RGS5: variants seen among roughly 807,000 people sequenced by gnomAD.
RGS5 encodes the protein regulator of G protein signaling 5, also known as regulator of G-protein signalling 5.
Under a neutral mutation model 18.9 loss-of-function variants are expected in RGS5, and 20 were observed. The ratio of observed to expected loss-of-function variants is 1.06; its 90% CI spans 0.74 to 1.54. The LOEUF is 1.54. Ranked by LOEUF, RGS5 falls within the 40% of genes most tolerant of loss-of-function variation. RGS5 has a pLI of 0.00. For missense variants in RGS5, 201 were observed against 211.8 expected (o/e 0.95, Z 0.32); for synonymous variants, 57 against 76.2 (o/e 0.75, Z 1.31).
At position 163,147,918 on chromosome 1, in the gene RGS5, C is replaced by CTTTTTTTTCTTTTTTT. The variant is rs3065035; in HGVS notation, c.385-416_385-415insAAAAAAAGAAAAAAAA. Among the ~76,000 whole-genome samples, 529 of 78,084 alleles carry CTTTTTTTTCTTTTTTT rather than the reference C, an allele frequency of 6.8e-3. 1 individual carries two copies. The highest frequency in any genetic ancestry group is 0.015 in the Middle Eastern group (1 of 66). 51.2% of individuals were successfully genotyped at this position (78,084 alleles called of 152,430 possible). ...GGTGTCCTGGTGCTTTTTTCTTTTT[C>CTTTTTTTTCTTTTTTT]TTTTTTTTTTTTTTTTTTTTTTGTT... On this transcript the variant is annotated intron_variant, in intron 4 of 4. Coordinates refer to ENST00000313961, the MANE Select transcript of RGS5 (RefSeq NM_003617.4).
chr1:163,190,656 G>C (rs569880032), intron 1 of RGS5, among the ~76,000 whole-genome samples: 2 of 152,150 alleles, frequency 1.3e-5, no homozygotes, highest in South Asian at 4.1e-4. Flanking sequence ...GTAGTTCCAC[G>C]GTGTATGGAC....
At chr1:163,232,075 C>G (rs1332968930) in intron 2 of RGS5, among the ~76,000 whole-genome samples, 1 of 150,804 alleles carries the variant, frequency 6.6e-6, no homozygotes, top group Non-Finnish European at 1.5e-5. Context: ...ATTAGGACTC[C>G]ATTGCTTTGT....
intron 1 of RGS5, among the ~76,000 whole-genome samples, chr1:163,196,646 G>A (rs1230634342): frequency 6.6e-6 from 1 of 152,122 alleles, no homozygotes; most frequent in Non-Finnish European, 1.5e-5. Context: ...ACTTCCTAGA[G>A]CTCACCTAAG....
intron 1 of RGS5, among the ~76,000 whole-genome samples, chr1:163,202,229 C>G (rs1995787): frequency 6.6e-6 from 1 of 152,136 alleles, no homozygotes; most frequent in Non-Finnish European, 1.5e-5. Context: ...GCCTCCCTCT[C>G]CCAGTCCCTG....
intron 1 of RGS5, among the ~76,000 whole-genome samples, chr1:163,317,926 G>T (rs1050748752): frequency 6.7e-6 from 1 of 149,626 alleles, no homozygotes; most frequent in South Asian, 2.1e-4. Context: ...ATATTTGCTT[G>T]TTCATTATTA....
At chr1:163,210,868 GTTGGC>G (rs2101670907) in intron 1 of RGS5, 1 of 152,216 alleles carries the variant, frequency 6.6e-6, no homozygotes, top group East Asian at 1.9e-4. Context: ...AGGTCTCTAC[GTTGGC>G]TATGCCTGGC....
At chr1:163,153,829 C>CATAT (rs3835731) in intron 3 of RGS5, among the ~76,000 whole-genome samples, 171 of 150,356 alleles carry the variant, frequency 1.1e-3, no homozygotes, top group South Asian at 2.3e-3. Flanking sequence ...ATATTACACA[C>CATAT]ATATATATAT....
intron 4 of RGS5, among the ~76,000 whole-genome samples, chr1:163,147,728 A>G (rs1394886065): frequency 6.6e-6 from 1 of 152,138 alleles, no homozygotes; most frequent in African/African-American, 2.4e-5. Context: ...CAGACCTCCC[A>G]TAGAAGCTAA....
chr1:163,177,152 A>G (rs1055636284), intron 1 of RGS5, among the ~76,000 whole-genome samples: 4 of 152,194 alleles, frequency 2.6e-5, no homozygotes, highest in Non-Finnish European at 5.9e-5. Context: ...TTGTGACACT[A>G]TTGTGGAAAC....
At chr1:163,194,638 A>G (rs1169455847) in intron 1 of RGS5, among the ~76,000 whole-genome samples, 7 of 152,060 alleles carry the variant, frequency 4.6e-5, no homozygotes, top group Non-Finnish European at 1.0e-4. Context: ...ACTTGTGTCT[A>G]AAAAGACTGT....
chr1:163,217,405 G>T, intron 1 of RGS5: 5 of 1,064,512 alleles, frequency 4.7e-6, no homozygotes, highest in Non-Finnish European at 6.3e-6. Flanking sequence ...TCAAAGAGAA[G>T]AAATTTGGGC....
chr1:163,246,018 A>G (rs1435254146), intron 2 of RGS5, among the ~76,000 whole-genome samples: 1 of 151,860 alleles, frequency 6.6e-6, no homozygotes, highest in Non-Finnish European at 1.5e-5. Flanking sequence ...GATCGAGACC[A>G]TCCTGGCTAA....
chr1:163,157,128 G>T (rs1241149623), intron 3 of RGS5, among the ~76,000 whole-genome samples: 1 of 152,152 alleles, frequency 6.6e-6, no homozygotes, highest in Non-Finnish European at 1.5e-5. Context: ...GGTGTCTCAA[G>T]GAGATGCTCT....
upstream of RGS5, among the ~76,000 whole-genome samples, chr1:163,205,376 A>C (rs1037378212): frequency 6.7e-6 from 1 of 148,330 alleles, no homozygotes; most frequent in Non-Finnish European, 1.5e-5. Context: ...AAAAGGAGAG[A>C]GCCTACTACG....
chr1:163,287,506 T>G (rs913414596), intron 2 of RGS5, among the ~76,000 whole-genome samples: 2 of 152,234 alleles, frequency 1.3e-5, no homozygotes, highest in Non-Finnish European at 2.9e-5. Context: ...AAAATAATGG[T>G]TATCCACTCT....
At chr1:163,203,097 C>T (rs1249420686), upstream of RGS5, 1 of 422,762 alleles carries the variant, frequency 2.4e-6, no homozygotes, top group Non-Finnish European at 4.3e-6. Context: ...CTTTCATCTG[C>T]TCTTATCACA....
chr1:163,304,315 C>T (rs1012992885), intron 2 of RGS5: 22 of 152,352 alleles, frequency 1.4e-4, no homozygotes, highest in African/African-American at 5.3e-4. Flanking sequence ...GCCTGTCAGG[C>T]TTCTTTGCTT....
At chr1:163,274,650 TG>T (rs940303980) in intron 2 of RGS5, among the ~76,000 whole-genome samples, 1 of 152,172 alleles carries the variant, frequency 6.6e-6, no homozygotes, top group Non-Finnish European at 1.5e-5. Context: ...GCATTTGAGT[TG>T]GGGGCACTCT....
At chr1:163,236,364 T>C (rs1009390881) in intron 2 of RGS5, among the ~76,000 whole-genome samples, 5 of 148,704 alleles carry the variant, frequency 3.4e-5, no homozygotes, top group Non-Finnish European at 7.5e-5. Context: ...TCAAGTGGTG[T>C]TTCTGAGTGA....
Sources: allele counts gnomAD v4.1 joint callset (sites outside exome capture counted in the v4.1 genomes callset), GRCh38; gene constraint gnomAD v4.1.1; transcripts MANE v1.5; gene names NCBI Gene and HGNC (gene_info 2026-07-23, HGNC 2026-07-21).